The following SLC4A4 variants were observed in gnomAD, a reference collection of about 807,000 sequenced individuals.
SLC4A4 encodes electrogenic sodium bicarbonate cotransporter 1.
A neutral mutation model predicts 111.5 loss-of-function variants in SLC4A4; 27 were observed. The observed-to-expected ratio is 0.24, with a 90% confidence interval of 0.18 to 0.33. The LOEUF (loss-of-function observed/expected upper bound fraction) is 0.33, where lower values mean the gene tolerates loss of function less well. Among genes scored for constraint, SLC4A4 ranks in the 10% least tolerant of loss-of-function variants. The pLI is 1.00. For synonymous variants in SLC4A4, 443 were observed against 463.4 expected (o/e 0.96, Z 0.57); for missense variants, 909 against 1,315.5 (o/e 0.69, Z 4.78).
chr4:71,101,634 C>T (rs949185585), intron 2 of SLC4A4, among the ~76,000 whole-genome samples: 2 of 152,152 alleles, frequency 1.3e-5, no homozygotes, highest in African/African-American at 2.4e-5. Context: ...AGCAGCCTAA[C>T]TGGGAGGCAA....
At chr4:71,535,030 T>G (rs995392257) in intron 18 of SLC4A4, among the ~76,000 whole-genome samples, 2 of 152,150 alleles carry the variant, frequency 1.3e-5, no homozygotes, top group Non-Finnish European at 2.9e-5. Flanking sequence ...CTCCAGTGAC[T>G]TTTTTAGTTG....
intron 1 of SLC4A4, among the ~76,000 whole-genome samples, chr4:71,220,665 C>CT (rs1718689056): frequency 6.6e-6 from 1 of 151,868 alleles, no homozygotes; most frequent in African/African-American, 2.4e-5. Flanking sequence ...TTATGGGTGT[C>CT]TTTTTTCTCT....
chr4:71,086,969 C>T (rs1240565393), intron 1 of SLC4A4, among the ~76,000 whole-genome samples: 4 of 152,004 alleles, frequency 2.6e-5, no homozygotes, highest in Admixed American at 6.5e-5. Flanking sequence ...GGAATAGTTT[C>T]AGAAGGAATG....
Position 71,177,053 on chromosome 4 carries a change from A to C in SLC4A4, c.-1-59523A>C, listed in dbSNP as rs958021632. On this transcript the variant is annotated intron_variant, in intron 2 of 26. Transcript: ENST00000649996. ...ATTCTTAAAGAAAAGAATTTTCAAC[A>C]CAGAATTACATATCCAGCCAAACTA... Among the ~76,000 whole-genome samples, 10 of 152,288 alleles carry C rather than the reference A, an allele frequency of 6.6e-5. No homozygotes were observed. The South Asian group carries it at 1.0e-3, about 16-fold the overall frequency.
chr4:71,292,403 A>G (rs1298350777), intron 3 of SLC4A4, among the ~76,000 whole-genome samples: 2 of 152,286 alleles, frequency 1.3e-5, no homozygotes, highest in Admixed American at 6.5e-5. Context: ...AAGTTCTAGG[A>G]AGTAAGGAGG....
chr4:71,366,522 C>T lies in SLC4A4; in HGVS notation c.730+9335C>T, dbSNP rs371559085. ...TTGGATACCATCACTCAAAAGCCTT[C>T]GGAGCTATATCTTTCCTCATCAGAT... On this transcript the variant is annotated intron_variant, in intron 6 of 25. Coordinates refer to ENST00000264485, the MANE Select transcript of SLC4A4 (RefSeq NM_001098484.3). 1.1e-4 allele frequency among the ~76,000 whole-genome samples: 17 copies of T among 152,196 alleles called. No homozygotes were observed. The East Asian group carries it at 2.5e-3, about 23-fold the overall frequency.
At chr4:71,280,900 T>A (rs1270354016) in intron 3 of SLC4A4, among the ~76,000 whole-genome samples, 1 of 152,234 alleles carries the variant, frequency 6.6e-6, no homozygotes, top group Non-Finnish European at 1.5e-5. Flanking sequence ...TATGAAAATA[T>A]CTATATGAAA....
At chr4:71,453,448 G>A (rs750949052) in intron 11 of SLC4A4, 47 bp from the exon 12 acceptor site, 1 of 1,548,808 alleles carries the variant, frequency 6.5e-7, no homozygotes, top group South Asian at 1.1e-5. Context: ...TTAATTTGAT[G>A]GTAATTTACT....
At chr4:71,533,712 T>TCA (rs1286917400) in intron 17 of SLC4A4, among the ~76,000 whole-genome samples, 1 of 152,034 alleles carries the variant, frequency 6.6e-6, no homozygotes, top group East Asian at 1.9e-4. Flanking sequence ...TTATGGCTTT[T>TCA]TATATATATT....
At chr4:71,452,988 G>GT (rs1195359332) in intron 11 of SLC4A4, among the ~76,000 whole-genome samples, 2 of 152,116 alleles carry the variant, frequency 1.3e-5, no homozygotes, top group Non-Finnish European at 1.5e-5. Flanking sequence ...GAAAGCAGAG[G>GT]TTTTTTGATG....
chr4:71,143,060 T>C (rs1744053219), intron 2 of SLC4A4, among the ~76,000 whole-genome samples: 1 of 152,076 alleles, frequency 6.6e-6, no homozygotes, highest in Admixed American at 6.5e-5. Context: ...AACTCGTCAT[T>C]TAGCATTAGG....
At chr4:71,310,656 C>T (rs1034684225) in intron 3 of SLC4A4, among the ~76,000 whole-genome samples, 1 of 152,174 alleles carries the variant, frequency 6.6e-6, no homozygotes, top group Non-Finnish European at 1.5e-5. Context: ...ACCACCAGGC[C>T]TGCCTTACAG....
At chr4:71,505,566 G>A (rs140474496) in intron 16 of SLC4A4, among the ~76,000 whole-genome samples, 1 of 151,600 alleles carries the variant, frequency 6.6e-6, no homozygotes, top group East Asian at 1.9e-4. Context: ...TTTTCTTGAA[G>A]TTCCTTATAG....
chr4:71,370,625 T>C (rs947257389), intron 6 of SLC4A4, among the ~76,000 whole-genome samples: 1 of 152,208 alleles, frequency 6.6e-6, no homozygotes, highest in Non-Finnish European at 1.5e-5. Flanking sequence ...CATAGGATTG[T>C]TGTGAGAATT....
At chr4:71,169,024 T>C (rs910618482) in intron 2 of SLC4A4, among the ~76,000 whole-genome samples, 1 of 152,038 alleles carries the variant, frequency 6.6e-6, no homozygotes, top group African/African-American at 2.4e-5. Flanking sequence ...TATTTATTTA[T>C]ATTTATTTTT....
chr4:71,542,425 C>A (rs540584943), intron 18 of SLC4A4, among the ~76,000 whole-genome samples: 1 of 152,108 alleles, frequency 6.6e-6, no homozygotes, highest in African/African-American at 2.4e-5. Flanking sequence ...ATATCACTTG[C>A]CTGCCTAAAA....
chr4:71,349,881 T>C (rs910358290), intron 4 of SLC4A4, 31 bp from the exon 5 acceptor site: 2 of 1,611,796 alleles, frequency 1.2e-6, no homozygotes, highest in African/African-American at 2.7e-5. Context: ...AGAACACTTT[T>C]AATTGCTCTT....
rs1727983974 is a variant in SLC4A4, at chr4:71,472,589, A to G, written c.1632-110A>G. On this transcript the variant is annotated intron_variant, in intron 13 of 25. Transcript: ENST00000264485. ...AAGTAGAGTTTCACATTTAGTGGCT[A>G]AAGGTGATCTTGTATTTTTGTCAAT... is the stretch of plus-strand genomic sequence containing the variant. 3.6e-6 allele frequency: 4 copies of G among 1,125,178 alleles called. No homozygotes were observed. In the South Asian group the frequency reaches 5.3e-5, roughly 15 times the overall value. The allele number at this position is 1,125,178 out of a possible 1,614,324, so 69.7% of individuals were successfully genotyped here. A position where few individuals can be genotyped will look rare whatever the true frequency, so the allele number is the denominator to read the frequency against.
At chr4:71,087,704 G>T (rs926380937) in intron 1 of SLC4A4, among the ~76,000 whole-genome samples, 1 of 152,094 alleles carries the variant, frequency 6.6e-6, no homozygotes, top group Non-Finnish European at 1.5e-5. Context: ...TTTCCATGTA[G>T]TTGAGCGGTT....
Sources: allele counts gnomAD v4.1 joint callset (sites outside exome capture counted in the v4.1 genomes callset), GRCh38; gene constraint gnomAD v4.1.1; transcripts MANE v1.5; gene names NCBI Gene and HGNC (gene_info 2026-07-23, HGNC 2026-07-21).